RARB: variants seen among roughly 807,000 people sequenced by gnomAD.
The protein encoded by RARB is retinoic acid receptor beta, also known as HBV-activated protein.
A neutral mutation model predicts 51.9 loss-of-function variants in RARB; 17 were observed. The ratio of observed to expected loss-of-function variants is 0.33; its 90% CI spans 0.22 to 0.49. The LOEUF (loss-of-function observed/expected upper bound fraction) is 0.49, where lower values mean the gene tolerates loss of function less well. Among genes scored for constraint, RARB ranks in the 20% least tolerant of loss-of-function variants. The pLI, the probability that RARB is intolerant of heterozygous loss-of-function variation, is 0.99. For synonymous variants in RARB, 215 were observed against 195.4 expected, an observed-to-expected ratio of 1.10 and a Z score of -0.84; for missense variants, 369 against 550.8, an observed-to-expected ratio of 0.67 and a Z score of 3.30.
At chr3:25,312,811 G>C (rs1367933877) in intron 5 of RARB, among the ~76,000 whole-genome samples, 9 of 152,210 alleles carry the variant, frequency 5.9e-5, no homozygotes, top group Non-Finnish European at 1.3e-4. Flanking sequence ...GGAGGAACTT[G>C]GGAGCAGCTG....
intron 5 of RARB, among the ~76,000 whole-genome samples, chr3:25,187,207 A>G (rs1173059821): frequency 6.6e-6 from 1 of 152,074 alleles, no homozygotes. Context: ...TTTTTTCTCA[A>G]AAACCATGCT....
At chr3:25,288,173 G>A (rs532526490) in intron 5 of RARB, among the ~76,000 whole-genome samples, 1 of 152,072 alleles carries the variant, frequency 6.6e-6, no homozygotes, top group African/African-American at 2.4e-5. Flanking sequence ...AATTGTCCAG[G>A]GTAGGTTATA....
intron 5 of RARB, among the ~76,000 whole-genome samples, chr3:25,235,418 A>T (rs1436890321): frequency 6.6e-6 from 1 of 152,174 alleles, no homozygotes; most frequent in Non-Finnish European, 1.5e-5. Flanking sequence ...GGGATATTTG[A>T]AGTGAGAATA....
rs187741008 is a variant in RARB, at chr3:25,283,533, C to A, written c.178+108958C>A. On this transcript the variant is annotated intron_variant, in intron 5 of 11. Coordinates refer to the RARB transcript ENST00000383772. ...TAATTGCTGAAATTAAAACATAATA[C>A]CTGACACCTTAGAGGTGGCTCATTG... 8.5e-5 allele frequency among the ~76,000 whole-genome samples: 13 copies of A among 152,304 alleles called. No individual in the cohort carries two copies. The East Asian group carries it at 2.3e-3, about 27-fold the overall frequency.
At chr3:25,352,769 G>C (rs1705614182) in intron 5 of RARB, among the ~76,000 whole-genome samples, 1 of 152,166 alleles carries the variant, frequency 6.6e-6, no homozygotes, top group Admixed American at 6.6e-5. Context: ...TCAGGAATAA[G>C]TAACATCACT....
At chr3:25,521,822 C>T (rs1698412362) in intron 3 of RARB, among the ~76,000 whole-genome samples, 1 of 152,080 alleles carries the variant, frequency 6.6e-6, no homozygotes, top group Non-Finnish European at 1.5e-5. Flanking sequence ...TTGTAACATC[C>T]CTTTAATTAG....
chr3:24,911,437 T>C (rs1047420203), intron 2 of RARB, among the ~76,000 whole-genome samples: 7 of 152,210 alleles, frequency 4.6e-5, no homozygotes, highest in African/African-American at 1.7e-4. Context: ...AAGAAAACTC[T>C]AGAAACAATT....
chr3:25,212,397 A>G (rs185468698), intron 5 of RARB, among the ~76,000 whole-genome samples: 179 of 152,340 alleles, frequency 1.2e-3, no homozygotes, highest in African/African-American at 4.1e-3. Context: ...AGGTGGGCAG[A>G]TCACAAGGTC....
intron 1 of RARB, among the ~76,000 whole-genome samples, chr3:24,853,336 A>G (rs1702587070): frequency 6.6e-6 from 1 of 152,038 alleles, no homozygotes; most frequent in African/African-American, 2.4e-5. Flanking sequence ...ATAATAATAA[A>G]ATAATGAACT....
intron 5 of RARB, among the ~76,000 whole-genome samples, chr3:25,403,856 C>T (rs4395373): frequency 0.21 from 19,880 of 94,064 alleles, 1,944 homozygotes; most frequent in Admixed American, 0.36. Context: ...AAAAAGATGC[C>T]AAGTGTCACA....
At chr3:25,258,200 A>G (rs554310461) in intron 5 of RARB, among the ~76,000 whole-genome samples, 4 of 152,110 alleles carry the variant, frequency 2.6e-5, no homozygotes, top group Non-Finnish European at 5.9e-5. Flanking sequence ...TGAACTCAGT[A>G]ATTCCATGTT....
intron 3 of RARB, among the ~76,000 whole-genome samples, chr3:25,119,707 A>T (rs997506009): frequency 6.6e-6 from 1 of 152,112 alleles, no homozygotes; most frequent in Admixed American, 6.6e-5. Context: ...GTCAATACTA[A>T]GGAAATTAAC....
intron 3 of RARB, among the ~76,000 whole-genome samples, chr3:25,072,048 C>T (rs1380109602): frequency 6.6e-6 from 1 of 152,178 alleles, no homozygotes; most frequent in Non-Finnish European, 1.5e-5. Context: ...TGCCCTGTGG[C>T]GGTTCTTATC....
chr3:25,097,356 A>G (rs1183089744), intron 3 of RARB, among the ~76,000 whole-genome samples: 2 of 152,206 alleles, frequency 1.3e-5, no homozygotes, highest in African/African-American at 4.8e-5. Flanking sequence ...GGTACTAAAA[A>G]AGAAAGTAAC....
intron 5 of RARB, among the ~76,000 whole-genome samples, chr3:25,181,294 G>A (rs542877538): frequency 2.6e-5 from 4 of 152,206 alleles, no homozygotes; most frequent in South Asian, 2.1e-4. Flanking sequence ...ACTGTGCATC[G>A]TAAGTACTCT....
chr3:25,344,040 C>T (rs773849215), intron 5 of RARB, among the ~76,000 whole-genome samples: 47 of 152,248 alleles, frequency 3.1e-4, no homozygotes, highest in Middle Eastern at 6.8e-3. Flanking sequence ...GAATTTATGT[C>T]GGCAGAAGTG....
chr3:24,857,298 G>A (rs1045304517), intron 1 of RARB, among the ~76,000 whole-genome samples: 1 of 152,112 alleles, frequency 6.6e-6, no homozygotes, highest in African/African-American at 2.4e-5. Context: ...AAGTTTTTAA[G>A]TATTTCTGTC....
At chr3:25,407,234 G>A (rs913146852) in intron 5 of RARB, among the ~76,000 whole-genome samples, 74 of 152,224 alleles carry the variant, frequency 4.9e-4, no homozygotes, top group Non-Finnish European at 4.3e-4. Context: ...TTCTGTAGAC[G>A]TCACTACAAA....
At chr3:25,338,455 T>C (rs146759536) in intron 5 of RARB, among the ~76,000 whole-genome samples, 2 of 152,318 alleles carry the variant, frequency 1.3e-5, no homozygotes, top group African/African-American at 4.8e-5. Flanking sequence ...CCTTTGTAGA[T>C]AGGCGGCTGG....
Sources: allele counts gnomAD v4.1 joint callset (sites outside exome capture counted in the v4.1 genomes callset), GRCh38; gene constraint gnomAD v4.1.1; transcripts MANE v1.5; gene names NCBI Gene and HGNC (gene_info 2026-07-23, HGNC 2026-07-21).